The following FOXP2 variants were observed in gnomAD, a reference collection of about 807,000 sequenced individuals.
FOXP2 encodes forkhead box P2, also known as forkhead box protein P2.
In FOXP2, 12 loss-of-function variants were observed where a neutral mutation model predicts 115.8. That is an observed-to-expected ratio of 0.10 (90% confidence interval 0.07 to 0.17). The LOEUF (loss-of-function observed/expected upper bound fraction) is 0.17, where lower values mean the gene tolerates loss of function less well. Among genes scored for constraint, FOXP2 ranks in the 10% least tolerant of loss-of-function variants. The pLI, the probability that FOXP2 is intolerant of heterozygous loss-of-function variation, is 1.00. For missense variants in FOXP2, 629 were observed against 843.5 expected (o/e 0.75, Z 3.15); for synonymous variants, 328 against 297.7 (o/e 1.10, Z -1.05).
chr7:114,090,225 G>T (rs1186400681), intron 1 of FOXP2, among the ~76,000 whole-genome samples: 2 of 151,842 alleles, frequency 1.3e-5, no homozygotes, highest in African/African-American at 4.8e-5. Flanking sequence ...TCTCTAAGAA[G>T]TTTTCTCAAC....
chr7:114,517,999 T>C (rs564418000), intron 2 of FOXP2, among the ~76,000 whole-genome samples: 1 of 152,286 alleles, frequency 6.6e-6, no homozygotes, highest in South Asian at 2.1e-4. Flanking sequence ...CTTCAATTTC[T>C]TTCATCAATA....
intron 1 of FOXP2, among the ~76,000 whole-genome samples, chr7:114,217,590 A>G (rs1794518744): frequency 6.6e-6 from 1 of 152,202 alleles, no homozygotes; most frequent in African/African-American, 2.4e-5. Context: ...CCAAATTAAA[A>G]GGAGGTTGAT....
chr7:114,302,582 A>G (rs936648113), intron 2 of FOXP2, among the ~76,000 whole-genome samples: 1 of 152,220 alleles, frequency 6.6e-6, no homozygotes, highest in African/African-American at 2.4e-5. Flanking sequence ...ATTTTAACCT[A>G]TGAATTATTG....
intron 3 of FOXP2, among the ~76,000 whole-genome samples, chr7:114,577,107 G>A (rs1801614189): frequency 6.6e-6 from 1 of 151,800 alleles, no homozygotes; most frequent in African/African-American, 2.4e-5. Flanking sequence ...GTTATGCATA[G>A]GATTAAAAAA....
intron 2 of FOXP2, among the ~76,000 whole-genome samples, chr7:114,305,483 C>T (rs1425303423): frequency 1.3e-5 from 2 of 152,050 alleles, no homozygotes; most frequent in Non-Finnish European, 2.9e-5. Flanking sequence ...AGGTAGAGTT[C>T]TTGAATAAAT....
chr7:114,212,186 A>T (rs1794375145), intron 1 of FOXP2, among the ~76,000 whole-genome samples: 1 of 151,618 alleles, frequency 6.6e-6, no homozygotes, highest in African/African-American at 2.4e-5. Flanking sequence ...ACAGGATCTT[A>T]AAATCAACTT....
chr7:114,251,157 T>C (rs1795431968), intron 1 of FOXP2, among the ~76,000 whole-genome samples: 1 of 152,126 alleles, frequency 6.6e-6, no homozygotes, highest in African/African-American at 2.4e-5. Flanking sequence ...TTGGTCTATC[T>C]CTCTGTTTTG....
At chr7:114,380,242 A>G (rs960992876) in intron 2 of FOXP2, among the ~76,000 whole-genome samples, 6 of 152,204 alleles carry the variant, frequency 3.9e-5, no homozygotes, top group Non-Finnish European at 5.9e-5. Flanking sequence ...GAAGTTAGGA[A>G]TTCCCTTTCT....
chr7:114,174,793 T>C (rs1373437108), intron 1 of FOXP2, among the ~76,000 whole-genome samples: 1 of 152,126 alleles, frequency 6.6e-6, no homozygotes, highest in African/African-American at 2.4e-5. Context: ...TTTGTACAGC[T>C]GAATGTGTTC....
chr7:114,602,227 C>A (rs537937429), intron 3 of FOXP2, among the ~76,000 whole-genome samples: 1 of 151,920 alleles, frequency 6.6e-6, no homozygotes, highest in Non-Finnish European at 1.5e-5. Context: ...TTTTACCATT[C>A]TGAAATATCC....
chr7:114,459,137 G>A (rs753277041), intron 2 of FOXP2, among the ~76,000 whole-genome samples: 1 of 152,188 alleles, frequency 6.6e-6, no homozygotes, highest in Non-Finnish European at 1.5e-5. Flanking sequence ...GAAGGAAAAA[G>A]CAGCCAGTCC....
intron 1 of FOXP2, among the ~76,000 whole-genome samples, chr7:114,141,806 A>G (rs188811631): frequency 1.4e-4 from 22 of 152,348 alleles, no homozygotes; most frequent in Non-Finnish European, 2.8e-4. Context: ...TTAGGATGCC[A>G]TGGGCTACAG....
At chr7:114,474,519 C>T (rs1317770545) in intron 2 of FOXP2, among the ~76,000 whole-genome samples, 1 of 152,126 alleles carries the variant, frequency 6.6e-6, no homozygotes, top group Admixed American at 6.6e-5. Context: ...TATAGCTAAA[C>T]TCAGGCTCTG....
At chr7:114,137,532 A>G (rs774565776) in intron 1 of FOXP2, among the ~76,000 whole-genome samples, 2 of 152,176 alleles carry the variant, frequency 1.3e-5, no homozygotes, top group African/African-American at 4.8e-5. Context: ...ACTGTAGGAC[A>G]CATAGCATTG....
At chr7:114,114,260 T>C (rs7797191) in intron 1 of FOXP2, among the ~76,000 whole-genome samples, 37,438 of 150,348 alleles carry the variant, frequency 0.25, 7,110 homozygotes, top group African/African-American at 0.52. Flanking sequence ...TACATATATG[T>C]GTATATACAC....
At chr7:114,106,891 G>A (rs988328859) in intron 1 of FOXP2, among the ~76,000 whole-genome samples, 5 of 151,564 alleles carry the variant, frequency 3.3e-5, no homozygotes, top group African/African-American at 9.7e-5. Context: ...TTTGCTTTAC[G>A]TATGTTTTTA....
At chr7:114,202,998 T>C (rs1794109126) in intron 1 of FOXP2, among the ~76,000 whole-genome samples, 1 of 152,208 alleles carries the variant, frequency 6.6e-6, no homozygotes, top group Non-Finnish European at 1.5e-5. Context: ...CAACCAAATA[T>C]CATTGCTTAA....
intron 2 of FOXP2, among the ~76,000 whole-genome samples, chr7:114,379,756 C>G (rs912623756): frequency 6.6e-6 from 1 of 152,258 alleles, no homozygotes; most frequent in East Asian, 1.9e-4. Flanking sequence ...TGGCACACCT[C>G]ACAGGCCCTG....
chr7:114,104,257 G>A (rs999383323), intron 1 of FOXP2, among the ~76,000 whole-genome samples: 1 of 151,386 alleles, frequency 6.6e-6, no homozygotes, highest in South Asian at 2.1e-4. Context: ...TATGAGTCAG[G>A]GCTTGGCTGT....
Sources: allele counts gnomAD v4.1 joint callset (sites outside exome capture counted in the v4.1 genomes callset), GRCh38; gene constraint gnomAD v4.1.1; transcripts MANE v1.5; gene names NCBI Gene and HGNC (gene_info 2026-07-23, HGNC 2026-07-21).